TRAPPC3: variants seen among roughly 807,000 people sequenced by gnomAD.
TRAPPC3 encodes the protein trafficking protein particle complex 3.
A neutral mutation model predicts 18.2 loss-of-function variants in TRAPPC3; 5 were observed. The ratio of observed to expected loss-of-function variants is 0.28; its 90% confidence interval spans 0.14 to 0.58. The LOEUF is 0.58. Ranked by LOEUF, TRAPPC3 falls within the 20% of genes least tolerant of loss-of-function variation. TRAPPC3 has a pLI of 0.91. For synonymous variants in TRAPPC3, 65 were observed against 84.2 expected, an observed-to-expected ratio of 0.77 and a Z score of 1.25; for missense variants, 176 against 225.9, an observed-to-expected ratio of 0.78 and a Z score of 1.41.
chr1:36,148,589 T>C (rs1644233870), intron 1 of TRAPPC3, among the ~76,000 whole-genome samples: 1 of 73,296 alleles, frequency 1.4e-5, no homozygotes, highest in Admixed American at 1.3e-4. Flanking sequence ...AGATTTCGTC[T>C]GGGGGCGGGG....
intron 3 of TRAPPC3, among the ~76,000 whole-genome samples, chr1:36,138,587 CAGAT>C (rs1276230596): frequency 3.3e-5 from 5 of 152,176 alleles, no homozygotes; most frequent in Non-Finnish European, 7.3e-5. Context: ...AATACTATAA[CAGAT>C]AGCACTAATA....
chr1:36,152,822 T>C (rs1644281119), upstream of TRAPPC3, among the ~76,000 whole-genome samples: 2 of 152,046 alleles, frequency 1.3e-5, no homozygotes, highest in Admixed American at 1.3e-4. Context: ...GGCTAATTTT[T>C]TGTATTTTTG....
chr1:36,142,354 A>T (rs1207401912), intron 1 of TRAPPC3, among the ~76,000 whole-genome samples: 1 of 152,212 alleles, frequency 6.6e-6, no homozygotes, highest in African/African-American at 2.4e-5. Flanking sequence ...GATGGAAACA[A>T]TCCAGCAGTT....
intron 1 of TRAPPC3, among the ~76,000 whole-genome samples, chr1:36,147,092 T>G (rs937382747): frequency 6.6e-6 from 1 of 152,196 alleles, no homozygotes; most frequent in African/African-American, 2.4e-5. Flanking sequence ...GGCTCATACC[T>G]GTAATCCCAG....
upstream of TRAPPC3, among the ~76,000 whole-genome samples, chr1:36,154,145 C>T (rs1644292585): frequency 6.6e-6 from 1 of 152,188 alleles, no homozygotes; most frequent in African/African-American, 2.4e-5. Flanking sequence ...GCTGGGATTA[C>T]AGGCACCCAC....
chr1:36,137,541 C>T (rs1644043070), intron 4 of TRAPPC3: 1 of 629,628 alleles, frequency 1.6e-6, no homozygotes, highest in Non-Finnish European at 2.7e-6. Flanking sequence ...GAGACTGTCA[C>T]CAAATAAGCC....
exon 1 of TRAPPC3, chr1:36,156,048 ACGGCGCGGG>A (rs1399101668): frequency 1.3e-5 from 3 of 238,036 alleles, no homozygotes; most frequent in Non-Finnish European, 2.4e-5. Context: ...AACGGCGCGG[ACGGCGCGGG>A]CGCGGGGGGC....
At chr1:36,151,654 C>T (rs1198934160), upstream of TRAPPC3, among the ~76,000 whole-genome samples, 2 of 152,086 alleles carry the variant, frequency 1.3e-5, no homozygotes, top group Non-Finnish European at 2.9e-5. Context: ...ACAGCTGTTC[C>T]AAGGATTCTC....
chr1:36,138,310 G>A lies in TRAPPC3; in HGVS notation c.241-332C>T, dbSNP rs138857544. The A allele has an allele frequency of 7.8e-5, 117 of 1,509,354 alleles. No individual in the cohort carries two copies. In the African/African-American group the frequency reaches 1.4e-3, roughly 18 times the overall value. The allele number at this position is 1,509,354 out of a possible 1,614,324, so 93.5% of individuals were successfully genotyped here. ...CAGTGGAAGGGAGCACTAGTCTTTCGACACGGTGGCTGCCTGAGTGCAGAG... is the reference window on the plus strand; with the variant it reads ...CAGTGGAAGGGAGCACTAGTCTTTCAACACGGTGGCTGCCTGAGTGCAGAG... On this transcript the variant is annotated intron_variant, in intron 3 of 4. Coordinates refer to ENST00000373166, the MANE Select transcript of TRAPPC3 (RefSeq NM_014408.5).
chr1:36,151,120 G>A (rs763517571), upstream of TRAPPC3, among the ~76,000 whole-genome samples: 9 of 152,124 alleles, frequency 5.9e-5, no homozygotes, highest in Admixed American at 2.0e-4. Flanking sequence ...TCCTCTTGGC[G>A]TCTCTTTCTC....
chr1:36,153,381 C>T (rs1448181911), upstream of TRAPPC3, among the ~76,000 whole-genome samples: 1 of 152,166 alleles, frequency 6.6e-6, no homozygotes, highest in Non-Finnish European at 1.5e-5. Context: ...GGGTGCTCTC[C>T]AGGCCCCTCC....
intron 1 of TRAPPC3, among the ~76,000 whole-genome samples, chr1:36,144,376 G>A (rs1644163103): frequency 6.6e-6 from 1 of 151,732 alleles, no homozygotes; most frequent in Non-Finnish European, 1.5e-5. Flanking sequence ...TGGGCATGGT[G>A]GCTCATGCCT....
In TRAPPC3 at chr1:36,149,364, C is replaced by T. The variant is rs1182996840; in HGVS notation, c.15G>A (p.Ala5=). Residue 5 remains alanine, a synonymous_variant, in exon 1 of 5, where the codon GCG becomes GCA. Transcript: ENST00000373166. ...TTTTCTTGCTCTCGGTGCCACGGTT[C>T]GCCTGCCTCGACATGGTGCCGGCCG... The part of the protein sequence containing the change: MSRQ[A]NRGTESKKMS... 2 of 1,613,086 alleles carry T rather than the reference C, an allele frequency of 1.2e-6. No individual in the cohort carries two copies. Among genetic ancestry groups the T allele is most frequent in the Non-Finnish European group, 1.7e-6 (2 of 1,179,682 alleles).
chr1:36,148,723 A>G (rs1445118341), intron 1 of TRAPPC3, among the ~76,000 whole-genome samples: 1 of 152,200 alleles, frequency 6.6e-6, no homozygotes, highest in Non-Finnish European at 1.5e-5. Context: ...CCACTCCATT[A>G]GAGGGGCACC....
intron 1 of TRAPPC3, among the ~76,000 whole-genome samples, chr1:36,143,144 G>T (rs1644141299): frequency 6.6e-6 from 1 of 152,036 alleles, no homozygotes; most frequent in Non-Finnish European, 1.5e-5. Context: ...CTAACAGGAG[G>T]GGGAGAGACA....
upstream of TRAPPC3, among the ~76,000 whole-genome samples, chr1:36,150,925 G>A (rs1012712524): frequency 1.3e-5 from 2 of 152,184 alleles, no homozygotes; most frequent in Non-Finnish European, 2.9e-5. Context: ...CCGGTCTGTC[G>A]GTCTGGGCTC....
At chr1:36,146,063 C>T (rs1644193736) in intron 1 of TRAPPC3, among the ~76,000 whole-genome samples, 1 of 152,006 alleles carries the variant, frequency 6.6e-6, no homozygotes, top group Admixed American at 6.6e-5. Context: ...CAGGCGTGAG[C>T]CACAGCACCC....
At position 36,141,725 on chromosome 1, in the gene TRAPPC3, C is replaced by A. The variant is rs368486468; in HGVS notation, c.43-1559G>T. On this transcript the variant is annotated intron_variant, in intron 1 of 4. Transcript: ENST00000373166. ...CTGTAATCCCAGCACTTTGGAAGTC[C>A]GAGGCGGGCGGATCACAAGGTCAAG... 6.8e-4 allele frequency among the ~76,000 whole-genome samples: 103 copies of A among 151,654 alleles called. 1 individual carries two copies. The highest frequency in any genetic ancestry group is 2.4e-3 in the African/African-American group (99 of 41,328).
At chr1:36,146,216 C>CT (rs1393518770) in intron 1 of TRAPPC3, among the ~76,000 whole-genome samples, 1 of 151,874 alleles carries the variant, frequency 6.6e-6, no homozygotes, top group Non-Finnish European at 1.5e-5. Flanking sequence ...GTAGCTGGGA[C>CT]TACAGGTGTG....
Sources: allele counts gnomAD v4.1 joint callset (sites outside exome capture counted in the v4.1 genomes callset), GRCh38; gene constraint gnomAD v4.1.1; transcripts MANE v1.5; gene names NCBI Gene and HGNC (gene_info 2026-07-23, HGNC 2026-07-21).